Variants in CSMD3 observed in about 807,000 individuals in gnomAD.
CSMD3 encodes the protein CUB and Sushi multiple domains 3.
Under a neutral mutation model 435.2 loss-of-function variants are expected in CSMD3, and 177 were observed. That is an observed-to-expected ratio of 0.41 (90% CI 0.36 to 0.46). The LOEUF (loss-of-function observed/expected upper bound fraction) is 0.46, where lower values mean the gene tolerates loss of function less well. Ranked by LOEUF, CSMD3 falls within the 20% of genes least tolerant of loss-of-function variation. The probability of loss-of-function intolerance (pLI) is 0.34; values close to 1 mark genes in which losing one functional copy is unlikely to be tolerated. For missense variants in CSMD3, 4,265 were observed against 4,504.6 expected (o/e 0.95, Z 1.52); for synonymous variants, 1,656 against 1,520.5 (o/e 1.09, Z -2.07).
chr8:112,953,325 T>G (rs2083895335), intron 8 of CSMD3, among the ~76,000 whole-genome samples: 1 of 151,486 alleles, frequency 6.6e-6, no homozygotes, highest in South Asian at 2.1e-4. Context: ...TCTTTTTTTA[T>G]CATAGAAAAT....
intron 13 of CSMD3, among the ~76,000 whole-genome samples, chr8:112,732,000 G>A (rs1296821811): frequency 1.3e-5 from 2 of 151,922 alleles, no homozygotes; most frequent in African/African-American, 2.4e-5. Flanking sequence ...TCTGATTCAG[G>A]GCCAGCGCAT....
intron 11 of CSMD3, among the ~76,000 whole-genome samples, chr8:112,857,836 T>TA (rs1371941497): frequency 6.8e-6 from 1 of 146,620 alleles, no homozygotes; most frequent in Non-Finnish European, 1.5e-5. Flanking sequence ...GCACTTCATG[T>TA]TTTTTTTTTT....
At chr8:112,878,400 A>T (rs2081351347) in intron 10 of CSMD3, among the ~76,000 whole-genome samples, 2 of 152,144 alleles carry the variant, frequency 1.3e-5, no homozygotes, top group Non-Finnish European at 2.9e-5. Context: ...TGGCAATCAT[A>T]AAAAGTCAGG....
intron 1 of CSMD3, among the ~76,000 whole-genome samples, chr8:113,335,781 C>G (rs996311197): frequency 2.0e-5 from 3 of 151,544 alleles, no homozygotes; most frequent in Non-Finnish European, 2.9e-5. Context: ...GTTGGTCAAC[C>G]GTGTTGTTGA....
chr8:112,468,568 T>A (rs995659258), intron 32 of CSMD3, among the ~76,000 whole-genome samples: 2 of 152,120 alleles, frequency 1.3e-5, no homozygotes, highest in Non-Finnish European at 2.9e-5. Flanking sequence ...TCTGACAATG[T>A]TAACAGTTCT....
intron 3 of CSMD3, among the ~76,000 whole-genome samples, chr8:113,274,339 A>G (rs1383241955): frequency 6.6e-6 from 1 of 152,160 alleles, no homozygotes; most frequent in Non-Finnish European, 1.5e-5. Flanking sequence ...GTATGAAAGT[A>G]GAGACTGTAT....
chr8:113,302,051 T>A (rs963543117), intron 2 of CSMD3, among the ~76,000 whole-genome samples: 1 of 151,212 alleles, frequency 6.6e-6, no homozygotes, highest in Non-Finnish European at 1.5e-5. Flanking sequence ...CTGGCTTAAG[T>A]CTTCTTATTC....
At chr8:113,210,441 C>T (rs976430477) in intron 3 of CSMD3, among the ~76,000 whole-genome samples, 1 of 151,724 alleles carries the variant, frequency 6.6e-6, no homozygotes, top group Non-Finnish European at 1.5e-5. Context: ...CCTCAAACAA[C>T]ATTAAATACG....
chr8:112,494,459 CTCCTTTCTCTTTCTTTTCTTTTGT>C (rs1163965089), intron 30 of CSMD3, among the ~76,000 whole-genome samples: 2 of 107,724 alleles, frequency 1.9e-5, no homozygotes, highest in East Asian at 4.6e-4. Flanking sequence ...GTTTCTTTCT[CTCCTTTCTCTTTCTTTTCTTTTGT>C]TTCTTTCTCT....
At chr8:112,479,068 CT>C (rs1819366897) in intron 31 of CSMD3, among the ~76,000 whole-genome samples, 1 of 152,156 alleles carries the variant, frequency 6.6e-6, no homozygotes, top group South Asian at 2.1e-4. Flanking sequence ...GAATATCCTC[CT>C]TCTTGGGTTC....
At chr8:112,421,199 C>G (rs536871270) in intron 32 of CSMD3, among the ~76,000 whole-genome samples, 1 of 151,518 alleles carries the variant, frequency 6.6e-6, no homozygotes, top group Non-Finnish European at 1.5e-5. Context: ...AGAAGGAATT[C>G]CAAGCTTACT....
intron 52 of CSMD3, 63 bp downstream of exon 52, chr8:112,304,658 G>T (rs2130775567): frequency 1.6e-6 from 2 of 1,231,080 alleles, no homozygotes; most frequent in Non-Finnish European, 2.4e-6. Context: ...GAAAGGAACT[G>T]ATTCAAACAA....
intron 4 of CSMD3, among the ~76,000 whole-genome samples, chr8:113,111,918 C>T (rs1244033634): frequency 6.6e-6 from 1 of 151,886 alleles, no homozygotes; most frequent in East Asian, 1.9e-4. Flanking sequence ...GACCTCTAAA[C>T]GATCTGCCCG....
At chr8:112,355,284 G>A (rs2131079930) in intron 38 of CSMD3, among the ~76,000 whole-genome samples, 1 of 152,230 alleles carries the variant, frequency 6.6e-6, no homozygotes, top group South Asian at 2.1e-4. Context: ...CTGGACATTG[G>A]CCTTGGCAAT....
At chr8:112,849,861 C>T (rs2129701995) in intron 11 of CSMD3, among the ~76,000 whole-genome samples, 1 of 152,038 alleles carries the variant, frequency 6.6e-6, no homozygotes, top group African/African-American at 2.4e-5. Context: ...AGGATAGAAG[C>T]CCAGGAAACT....
chr8:112,507,796 A>C (rs979999705), intron 28 of CSMD3, among the ~76,000 whole-genome samples: 2 of 151,954 alleles, frequency 1.3e-5, no homozygotes, highest in Non-Finnish European at 2.9e-5. Flanking sequence ...TAATTTTTCC[A>C]TTGTCTTTTG....
At chr8:112,611,605 A>G (rs1833267663) in intron 22 of CSMD3, among the ~76,000 whole-genome samples, 2 of 152,278 alleles carry the variant, frequency 1.3e-5, no homozygotes, top group South Asian at 4.1e-4. Context: ...ATGCTCTATA[A>G]TAGACTATTG....
At chr8:112,505,800 G>C (rs1246307283) in intron 29 of CSMD3, among the ~76,000 whole-genome samples, 1 of 151,964 alleles carries the variant, frequency 6.6e-6, no homozygotes, top group Non-Finnish European at 1.5e-5. Context: ...AAGAGATTAT[G>C]CTTTTCATTT....
rs1434200306 is a variant in CSMD3 at position 112,832,881 on chromosome 8, A to C, written c.1756-3092T>G. On this transcript the variant is annotated intron_variant, in intron 11 of 70. Transcript: ENST00000297405. ...CCTTTCATTTTTCCCTCCAATATGA[A>C]CATCCAGTTGTCTCAATACTTTTTA... Among the ~76,000 whole-genome samples the C allele has an allele frequency of 3.3e-5, 5 of 152,254 alleles. 1 individual carries two copies. The South Asian group carries it at 1.0e-3, about 32-fold the overall frequency.
Sources: gnomAD v4.1 joint callset for allele counts (sites outside exome capture counted in the v4.1 genomes callset) on GRCh38, gnomAD v4.1.1 for gene constraint, MANE v1.5 for transcripts, NCBI Gene and HGNC (gene_info 2026-07-23, HGNC 2026-07-21) for gene names.